Variants in NXN observed in about 807,000 individuals in gnomAD.
NXN encodes the protein nucleoredoxin 1.
A neutral mutation model predicts 48.6 loss-of-function variants in NXN; 16 were observed. That is an observed-to-expected ratio of 0.33 (90% CI 0.22 to 0.50). The LOEUF is 0.50. NXN is among the 20% of genes least tolerant of loss of function. The pLI is 0.98. For synonymous variants in NXN, 281 were observed against 269.6 expected, an observed-to-expected ratio of 1.04 and a Z score of -0.41; for missense variants, 492 against 605.5, an observed-to-expected ratio of 0.81 and a Z score of 1.97.
chr17:854,038 G>T (rs2067957920), intron 1 of NXN, among the ~76,000 whole-genome samples: 1 of 151,968 alleles, frequency 6.6e-6, no homozygotes, highest in Non-Finnish European at 1.5e-5. Context: ...TTCTGTAGTT[G>T]TGTGACTTGT....
chr17:899,010 T>C (rs1272255488), intron 1 of NXN, among the ~76,000 whole-genome samples: 2 of 127,458 alleles, frequency 1.6e-5, no homozygotes, highest in African/African-American at 5.4e-5. Flanking sequence ...CAGGCTGGAG[T>C]GCAGTGGCAC....
chr17:976,736 C>T (rs1597293990), intron 1 of NXN, among the ~76,000 whole-genome samples: 1 of 151,710 alleles, frequency 6.6e-6, no homozygotes, highest in Admixed American at 6.6e-5. Context: ...ATTTGTTCCA[C>T]ATCTCTTTGG....
rs2069177129 is a variant in NXN, at chr17:956,911, C to T, written c.360+22408G>A. Among the ~76,000 whole-genome samples, 1 of 152,194 alleles carries T rather than the reference C, an allele frequency of 6.6e-6. No individual in the cohort carries two copies. On this transcript the variant is annotated intron_variant, in intron 1 of 7. Transcript: ENST00000336868. The surrounding 1 kb of genome is among the most constrained non-coding windows in gnomAD (Gnocchi z 4.1). ...GCTGGCCCCTCCGTTCTCAGAGCTCCTGCGGGCAACTCCAGCCCTTTTAGA... is the reference window on the plus strand; with the variant it reads ...GCTGGCCCCTCCGTTCTCAGAGCTCTTGCGGGCAACTCCAGCCCTTTTAGA...
intron 1 of NXN, among the ~76,000 whole-genome samples, chr17:861,906 T>TTG (rs2068044862): frequency 6.6e-6 from 1 of 152,076 alleles, no homozygotes; most frequent in Non-Finnish European, 1.5e-5. Flanking sequence ...CTCAGCTCAC[T>TTG]GCAACCTCTG....
intron 1 of NXN, among the ~76,000 whole-genome samples, chr17:922,130 T>G (rs1253491599): frequency 6.6e-6 from 1 of 152,130 alleles, no homozygotes; most frequent in African/African-American, 2.4e-5. Context: ...AGCCCTGTAT[T>G]CAGGGATATG....
At chr17:883,089 G>A (rs547259181) in intron 1 of NXN, among the ~76,000 whole-genome samples, 5 of 152,194 alleles carry the variant, frequency 3.3e-5, no homozygotes, top group African/African-American at 7.2e-5. Context: ...GTGTAGTGGC[G>A]TGCACCTCGA....
In NXN at chr17:924,411, A is replaced by G. The variant is rs141621879; in HGVS notation, c.360+54908T>C. Among the ~76,000 whole-genome samples the G allele has an allele frequency of 5.7e-3, 866 of 152,084 alleles. 12 individuals carry two copies. Among genetic ancestry groups the G allele is most frequent in the African/African-American group, 0.02 (840 of 41,486 alleles). On this transcript the variant is annotated intron_variant, in intron 1 of 7. Coordinates refer to ENST00000336868, the MANE Select transcript of NXN (RefSeq NM_022463.5). ...AGCCACTACGTCCGGCTAATTTTGT[A>G]TTTTTAGTAGAGATGGGGTTTCACC...
chr17:934,130 C>T (rs1231821786), intron 1 of NXN, among the ~76,000 whole-genome samples: 1 of 151,920 alleles, frequency 6.6e-6, no homozygotes, highest in Non-Finnish European at 1.5e-5. Context: ...GGCCAGGCGC[C>T]GTGGCTCACG....
rs1479873381 is a variant in NXN, at chr17:878,448, G to A, written c.361-52370C>T. ...GGGTGCCCTTGAAGGAGGGGTTTGC[G>A]GGCGGGGGTGGGGGGACCTTGAAGG... On this transcript the variant is annotated intron_variant, in intron 1 of 7. Transcript: ENST00000336868. Among the ~76,000 whole-genome samples the A allele has an allele frequency of 8.7e-4, 109 of 125,628 alleles. 2 individuals are homozygous for A. Among genetic ancestry groups the A allele is most frequent in the Non-Finnish European group, 1.6e-3 (93 of 58,610 alleles). The allele number at this position is 125,628 out of a possible 152,430, so 82.4% of individuals were successfully genotyped here.
chr17:875,643 G>GC (rs2068205801), intron 1 of NXN, among the ~76,000 whole-genome samples: 2 of 151,842 alleles, frequency 1.3e-5, no homozygotes, highest in African/African-American at 4.8e-5. Flanking sequence ...CCAGGCTGGA[G>GC]TACGGTGGTG....
intron 5 of NXN, among the ~76,000 whole-genome samples, chr17:815,494 C>T (rs369361533): frequency 6.6e-5 from 9 of 137,186 alleles, no homozygotes; most frequent in South Asian, 5.3e-4. Context: ...GACTTCCATC[C>T]GTATGATGAG....
At chr17:882,615 A>G (rs369502636) in intron 1 of NXN, among the ~76,000 whole-genome samples, 6 of 151,404 alleles carry the variant, frequency 4.0e-5, no homozygotes, top group African/African-American at 7.3e-5. Context: ...TCAGGCGCCC[A>G]CCACCATGCC....
At chr17:890,561 T>C (rs1445037277) in intron 1 of NXN, among the ~76,000 whole-genome samples, 1 of 147,256 alleles carries the variant, frequency 6.8e-6, no homozygotes, top group African/African-American at 2.6e-5. Flanking sequence ...TTTTTTTTTT[T>C]AGTAGAGATG....
rs1358241292 is a variant in NXN, at chr17:817,198, T to C, written c.820+2241A>G. On this transcript the variant is annotated intron_variant, in intron 5 of 7. Transcript: ENST00000336868. ...CTGCCTGGAGGCTGCTCAGAAACAG[T>C]CTCTCAGCTCCCGCTTAGCCCCACC... is the stretch of plus-strand genomic sequence containing the variant. 2.0e-5 allele frequency among the ~76,000 whole-genome samples: 3 copies of C among 152,084 alleles called. No individual in the cohort carries two copies. The East Asian group carries it at 5.8e-4, about 29-fold the overall frequency.
chr17:887,554 G>A (rs1417274709), intron 1 of NXN, among the ~76,000 whole-genome samples: 1 of 152,138 alleles, frequency 6.6e-6, no homozygotes, highest in Admixed American at 6.6e-5. Context: ...CCTCCCAAGT[G>A]AAGAGGCCGA....
intron 1 of NXN, among the ~76,000 whole-genome samples, chr17:918,303 G>T (rs945267756): frequency 6.6e-6 from 1 of 152,154 alleles, no homozygotes; most frequent in Non-Finnish European, 1.5e-5. Context: ...CCTTTGTAAC[G>T]TTCGGTTTGG....
At chr17:869,363 G>C (rs1012383425) in intron 1 of NXN, among the ~76,000 whole-genome samples, 2 of 152,100 alleles carry the variant, frequency 1.3e-5, no homozygotes, top group Non-Finnish European at 2.9e-5. Context: ...CATGCTCTCT[G>C]ATCCAGGAGC....
intron 1 of NXN, among the ~76,000 whole-genome samples, chr17:873,429 G>A (rs1040014297): frequency 6.7e-6 from 1 of 148,244 alleles, no homozygotes; most frequent in South Asian, 2.1e-4. Flanking sequence ...CCCAGGAGAC[G>A]GAGGTTGCAG....
intron 5 of NXN, among the ~76,000 whole-genome samples, chr17:813,176 C>CT (rs1179558205): frequency 6.6e-6 from 1 of 152,264 alleles, no homozygotes; most frequent in East Asian, 1.9e-4. Flanking sequence ...TTTTGTGACG[C>CT]TACAAAGCTT....
Sources: gnomAD v4.1 joint callset for allele counts (sites outside exome capture counted in the v4.1 genomes callset) on GRCh38, gnomAD v4.1.1 for gene constraint, Gnocchi (gnomAD v3.1) non-coding constraint, MANE v1.5 for transcripts, NCBI Gene and HGNC (gene_info 2026-07-23, HGNC 2026-07-21) for gene names.